The following BCO2 variants were observed in gnomAD, a reference collection of about 807,000 sequenced individuals.
The protein encoded by BCO2 is carotenoid-cleaving dioxygenase, mitochondrial.
BCO2 carries 56 observed loss-of-function variants against 65.8 expected under a neutral mutation model. That is an observed-to-expected ratio of 0.85 (90% CI 0.69 to 1.06). BCO2 has a LOEUF of 1.06. Among genes scored for constraint, BCO2 ranks in the 50% least tolerant of loss-of-function variants. BCO2 has a pLI of 0.00. For synonymous variants in BCO2, 233 were observed against 242.3 expected (o/e 0.96, Z 0.36); for missense variants, 675 against 698.5 (o/e 0.97, Z 0.38).
chr11:112,184,718 A>G lies in BCO2; in HGVS notation c.293+5236A>G, dbSNP rs12794092. On this transcript the variant is annotated intron_variant, in intron 2 of 11. Transcript: ENST00000357685. ...TTTTTTTTAAACAAATTTTAGCCCAATTTTCTTGAGTCATTATCTTTCTGC... is the reference window on the plus strand; with the variant it reads ...TTTTTTTTAAACAAATTTTAGCCCAGTTTTCTTGAGTCATTATCTTTCTGC... Among the ~76,000 whole-genome samples, 3 of 151,900 alleles carry G rather than the reference A, an allele frequency of 2.0e-5. No individual in the cohort carries two copies. In the South Asian group the frequency reaches 6.2e-4, roughly 32 times the overall value.
chr11:112,179,633 A>T (rs1312681024), intron 2 of BCO2, 151 bp downstream of exon 2: 21 of 728,286 alleles, frequency 2.9e-5, no homozygotes, highest in Non-Finnish European at 8.9e-6. Flanking sequence ...AGGAGAAGAA[A>T]GGAGACTTTT....
chr11:112,177,579 G>A (rs1866918339), intron 1 of BCO2, among the ~76,000 whole-genome samples: 1 of 152,116 alleles, frequency 6.6e-6, no homozygotes, highest in African/African-American at 2.4e-5. Flanking sequence ...CACCTTATTG[G>A]ACTGATCATT....
intron 2 of BCO2, among the ~76,000 whole-genome samples, chr11:112,190,507 T>G (rs1423603879): frequency 1.3e-5 from 2 of 152,084 alleles, no homozygotes; most frequent in Non-Finnish European, 2.9e-5. Context: ...TCTCCATAGA[T>G]GTTGAAAAAG....
At chr11:112,213,677 G>A in intron 8 of BCO2, 47 bp from the exon 9 acceptor site, 1 of 1,579,848 alleles carries the variant, frequency 6.3e-7, no homozygotes, top group South Asian at 1.1e-5. Flanking sequence ...GGGACATACT[G>A]TTACCATATG....
intron 8 of BCO2, among the ~76,000 whole-genome samples, chr11:112,212,362 G>A (rs1304843826): frequency 1.3e-5 from 2 of 152,198 alleles, no homozygotes; most frequent in South Asian, 2.1e-4. Flanking sequence ...TAGGTCAGGC[G>A]AGGTAGCTCA....
chr11:112,193,063 C>G (rs1275305463), intron 2 of BCO2, among the ~76,000 whole-genome samples: 1 of 149,956 alleles, frequency 6.7e-6, no homozygotes, highest in Admixed American at 6.7e-5. Flanking sequence ...CTGCAATCTC[C>G]GCCTCCCAGG....
At chr11:112,205,495 G>T (rs1867843320) in intron 8 of BCO2, among the ~76,000 whole-genome samples, 1 of 152,074 alleles carries the variant, frequency 6.6e-6, no homozygotes, top group Non-Finnish European at 1.5e-5. Context: ...TCACTCTGTT[G>T]CCCAGGCTGG....
intron 2 of BCO2, chr11:112,181,275 G>A (rs1285680822): frequency 2.0e-5 from 11 of 557,108 alleles, no homozygotes; most frequent in South Asian, 7.9e-5. Context: ...TCCGCCTCCC[G>A]GGTTCACGCC....
chr11:112,202,106 T>C lies in BCO2; in HGVS notation c.1110T>C (p.Ile370=). 6.2e-7 allele frequency: 1 copy of C among 1,614,074 alleles called. No homozygotes were observed. Residue 370 remains isoleucine, a synonymous_variant, in exon 8 of 12, where the codon ATT becomes ATC. Coordinates refer to ENST00000357685, the MANE Select transcript of BCO2 (RefSeq NM_031938.7). ...TTGAGGACCAGGGCTGTGTTATAAT[T>C]GATTTGTGCTGTCAAGATAATGGAA... ...NAFEDQGCVI[I]DLCCQDNGRT...
At chr11:112,215,958 C>G (rs1388824140) in intron 10 of BCO2, among the ~76,000 whole-genome samples, 3 of 152,096 alleles carry the variant, frequency 2.0e-5, no homozygotes, top group African/African-American at 7.2e-5. Flanking sequence ...ACAACTACCT[C>G]TCAGACGAAC....
intron 4 of BCO2, 27 bp downstream of exon 4, chr11:112,194,021 T>C (rs1391016577): frequency 2.6e-6 from 3 of 1,156,842 alleles, no homozygotes; most frequent in Non-Finnish European, 3.9e-6. Flanking sequence ...AAAAAATGAA[T>C]AAAATAGATC....
At chr11:112,186,961 G>C (rs1368804046) in intron 2 of BCO2, among the ~76,000 whole-genome samples, 2 of 152,178 alleles carry the variant, frequency 1.3e-5, no homozygotes, top group Non-Finnish European at 2.9e-5. Flanking sequence ...TAGGCTCCCA[G>C]TTCCTGGACT....
intron 11 of BCO2, among the ~76,000 whole-genome samples, chr11:112,216,774 T>G (rs1020583893): frequency 6.6e-6 from 1 of 152,222 alleles, no homozygotes; most frequent in Non-Finnish European, 1.5e-5. Context: ...TCCAATGTCA[T>G]CAGTCCTGGT....
rs377733092 is a variant in BCO2 at position 112,193,940 on chromosome 11, T to A, written c.579T>A (p.Thr193=). 86 of 1,612,986 alleles carry A rather than the reference T, an allele frequency of 5.3e-5. No homozygotes were observed. The highest frequency in any genetic ancestry group is 7.0e-5 in the Non-Finnish European group (83 of 1,179,036). The change falls in exon 4 of 12, where the codon ACT becomes ACA. Residue 193 remains threonine, a synonymous_variant. Coordinates refer to ENST00000357685, the MANE Select transcript of BCO2 (RefSeq NM_031938.7). ...ACAAGGGTGATTACTACCTCTGCACTGAGACCAACTTTATGAATAAAGTGG... is the reference window on the plus strand; with the variant it reads ...ACAAGGGTGATTACTACCTCTGCACAGAGACCAACTTTATGAATAAAGTGG... ...VRYKGDYYLC[T]ETNFMNKVDI...
intron 6 of BCO2, among the ~76,000 whole-genome samples, chr11:112,200,164 A>G (rs1297211823): frequency 6.6e-6 from 1 of 152,162 alleles, no homozygotes; most frequent in Non-Finnish European, 1.5e-5. Context: ...GGAAATTCAT[A>G]TTCTATATAG....
Position 112,217,750 on chromosome 11 carries a change from T to G in BCO2, c.1627-11T>G. 1 of 1,583,548 alleles carries G rather than the reference T, an allele frequency of 6.3e-7. No individual in the cohort carries two copies. The highest frequency in any genetic ancestry group is 1.1e-5 in the South Asian group (1 of 89,488). On this transcript the variant is annotated splice_polypyrimidine_tract_variant and intron_variant, in intron 11 of 11. Coordinates refer to ENST00000357685, the MANE Select transcript of BCO2 (RefSeq NM_031938.7). Reference sequence around the variant, plus strand: ...AAAAGATAATTTTCAATATTGTCTTTTCTTTTCTAGAATGAAAGCAATTTT... The same window carrying G: ...AAAAGATAATTTTCAATATTGTCTTGTCTTTTCTAGAATGAAAGCAATTTT...
At chr11:112,196,004 G>A (rs1421438332) in intron 5 of BCO2, among the ~76,000 whole-genome samples, 1 of 152,144 alleles carries the variant, frequency 6.6e-6, no homozygotes, top group Admixed American at 6.5e-5. Context: ...GCCTCAGTTT[G>A]CTCCTTATAC....
At chr11:112,180,940 C>T (rs1391612510) in intron 2 of BCO2, 5 of 1,135,246 alleles carry the variant, frequency 4.4e-6, no homozygotes, top group Non-Finnish European at 2.7e-6. Context: ...TTGCTTTGAA[C>T]AGGGATGATG....
At chr11:112,196,882 C>T (rs982804091) in intron 5 of BCO2, among the ~76,000 whole-genome samples, 2 of 151,028 alleles carry the variant, frequency 1.3e-5, no homozygotes, top group Non-Finnish European at 3.0e-5. Context: ...CCTTCTCTCT[C>T]TTCCTTGTTC....
Sources: allele counts gnomAD v4.1 joint callset (sites outside exome capture counted in the v4.1 genomes callset), GRCh38; gene constraint gnomAD v4.1.1; transcripts MANE v1.5; gene names NCBI Gene and HGNC (gene_info 2026-07-23, HGNC 2026-07-21).